Variants in MIOS observed in about 807,000 individuals in gnomAD.
MIOS encodes GATOR2 complex protein MIOS.
MIOS carries 52 observed loss-of-function variants against 96.9 expected under a neutral mutation model. That is an observed-to-expected ratio of 0.54 (90% confidence interval 0.43 to 0.68). The LOEUF (loss-of-function observed/expected upper bound fraction) is 0.68, where lower values mean the gene tolerates loss of function less well. Ranked by LOEUF, MIOS falls within the 30% of genes least tolerant of loss-of-function variation. The pLI is 0.00. For missense variants in MIOS, 1,005 were observed against 1,052.8 expected (o/e 0.95, Z 0.63); for synonymous variants, 397 against 359.5 (o/e 1.10, Z -1.18).
At chr7:7,606,159 A>G (rs1300775809) in intron 12 of MIOS, 88 bp downstream of exon 12, 1 of 1,503,120 alleles carries the variant, frequency 6.7e-7, no homozygotes, top group Non-Finnish European at 9.0e-7. Context: ...ATCTATTAGC[A>G]TTTAGCCAAA....
chr7:7,591,843 T>G (rs1227382914), intron 9 of MIOS, among the ~76,000 whole-genome samples: 1 of 152,152 alleles, frequency 6.6e-6, no homozygotes, highest in African/African-American at 2.4e-5. Flanking sequence ...TAAATATTTT[T>G]TTCTGCCTCA....
In MIOS at chr7:7,588,556, A is replaced by G; in HGVS notation, c.1877A>G (p.Asp626Gly). Residue 626 changes from aspartate to glycine, a missense_variant, in exon 8 of 13, where the codon GAT becomes GGT. Asp to Gly is a moderately conservative substitution (Grantham distance 94). Around this residue, in one of 3 missense-constraint regions of MIOS, gnomAD observed 865 missense variants for 887.9 expected, o/e 0.97. Coordinates refer to ENST00000340080, the MANE Select transcript of MIOS (RefSeq NM_019005.4). ...GCATTTGCTTGTAAATTCCTTAGTG[A>G]TACTCAGGTGAAAACTGATTTAATT... ...RVAFACKFLS[D>G]TQLNRYIEKL... The G allele has an allele frequency of 6.3e-7, 1 of 1,586,268 alleles. No homozygotes were observed.
Position 7,574,149 on chromosome 7 carries a change from G to C in MIOS, c.1346G>C (p.Gly449Ala). Residue 449 changes from glycine (G) to alanine (A), a missense_variant, in exon 5 of 13, where the codon GGA becomes GCA. Physicochemically the swap from Gly to Ala is moderately conservative, Grantham distance 60. Coordinates refer to ENST00000340080, the MANE Select transcript of MIOS (RefSeq NM_019005.4). ...GATCAGAAATCTCCAGGCAACAAAGGATCATTGGTTTATGCAGGAATTAAA... is the reference window on the plus strand; with the variant it reads ...GATCAGAAATCTCCAGGCAACAAAGCATCATTGGTTTATGCAGGAATTAAA... ...DMDQKSPGNK[G>A]SLVYAGIKSI... 6.2e-7 allele frequency: 1 copy of C among 1,610,950 alleles called. No individual in the cohort carries two copies.
At chr7:7,594,239 C>A (rs1218057216) in intron 9 of MIOS, among the ~76,000 whole-genome samples, 1 of 151,660 alleles carries the variant, frequency 6.6e-6, no homozygotes, top group Non-Finnish European at 1.5e-5. Flanking sequence ...GTTCACCGTG[C>A]ATTGCTAGAT....
At chr7:7,582,106 G>A (rs1783750481) in intron 5 of MIOS, among the ~76,000 whole-genome samples, 1 of 152,116 alleles carries the variant, frequency 6.6e-6, no homozygotes, top group African/African-American at 2.4e-5. Flanking sequence ...GAAACTGTCT[G>A]CTGTTGATCT....
chr7:7,605,816 C>G lies in MIOS; in HGVS notation c.2402-126C>G, dbSNP rs888625495. 9.3e-6 allele frequency: 9 copies of G among 963,194 alleles called. No individual in the cohort carries two copies. The Admixed American group carries it at 2.3e-4, about 25-fold the overall frequency. 59.7% of individuals were successfully genotyped at this position (963,194 alleles called of 1,614,324 possible). ...CTTCATCTAAACTAGAACCTACCAT[C>G]AAAATTGCTATTTCAATATGATGTG... is the stretch of plus-strand genomic sequence containing the variant. On this transcript the variant is annotated intron_variant, in intron 11 of 12. Transcript: ENST00000340080.
intron 5 of MIOS, among the ~76,000 whole-genome samples, chr7:7,577,003 A>C (rs993905284): frequency 6.6e-6 from 1 of 152,202 alleles, no homozygotes; most frequent in African/African-American, 2.4e-5. Flanking sequence ...GTTGAAATCA[A>C]GATGCTTAGG....
chr7:7,594,362 A>G (rs905962799), intron 9 of MIOS, among the ~76,000 whole-genome samples: 1 of 151,592 alleles, frequency 6.6e-6, no homozygotes, highest in African/African-American at 2.4e-5. Context: ...ACTACAGTGC[A>G]ACGGCACAAT....
intron 9 of MIOS, among the ~76,000 whole-genome samples, chr7:7,590,309 C>T (rs1206532898): frequency 6.6e-6 from 1 of 152,158 alleles, no homozygotes; most frequent in Non-Finnish European, 1.5e-5. Context: ...AGTAAACTTA[C>T]CTAATGTATC....
chr7:7,606,458 C>G (rs998491603), intron 12 of MIOS, among the ~76,000 whole-genome samples: 1 of 152,094 alleles, frequency 6.6e-6, no homozygotes, highest in Non-Finnish European at 1.5e-5. Flanking sequence ...TCTAAGTAAG[C>G]TTTTTATGTA....
chr7:7,605,821 T>G, intron 11 of MIOS, 121 bp from the exon 12 acceptor site: 1 of 993,444 alleles, frequency 1.0e-6, no homozygotes, highest in East Asian at 2.7e-5. Context: ...ACCATCAAAA[T>G]TGCTATTTCA....
At position 7,569,280 on chromosome 7, in the gene MIOS, G is replaced by A. The variant is rs535456689; in HGVS notation, c.-41+1157G>A. 3.3e-5 allele frequency among the ~76,000 whole-genome samples: 5 copies of A among 152,260 alleles called. No homozygotes were observed. The South Asian group carries it at 1.0e-3, about 32-fold the overall frequency. ...TCTTAAATTTTGAAACTCTTTTTAA[G>A]GTTGGACTTAATTTTATCACTACAG... is the stretch of plus-strand genomic sequence containing the variant. On this transcript the variant is annotated intron_variant, in intron 3 of 12. Coordinates refer to ENST00000340080, the MANE Select transcript of MIOS (RefSeq NM_019005.4).
In MIOS at chr7:7,607,342, A is replaced by C. The variant is rs979854641; in HGVS notation, c.*250A>C. 6.9e-6 allele frequency: 2 copies of C among 290,940 alleles called. No individual in the cohort carries two copies. The highest frequency in any genetic ancestry group is 1.6e-4 in the South Asian group (2 of 12,574). 18.0% of individuals were successfully genotyped at this position (290,940 alleles called of 1,614,324 possible). A position where few individuals can be genotyped will look rare whatever the true frequency, so the allele number is the denominator to read the frequency against. ...GCAGGTTGAAAAGTCTGATTTAGAA[A>C]AACTTTCTAAGTTTTGGTTGAAATT... On this transcript the variant is annotated 3_prime_UTR_variant, in exon 13 of 13. Transcript: ENST00000340080.
chr7:7,571,957 T>C (rs1211194273), intron 3 of MIOS, among the ~76,000 whole-genome samples: 1 of 152,222 alleles, frequency 6.6e-6, no homozygotes, highest in Non-Finnish European at 1.5e-5. Flanking sequence ...GCTCAGTAGC[T>C]ACATGTGGCT....
chr7:7,597,753 C>T (rs1364428571), intron 11 of MIOS, among the ~76,000 whole-genome samples: 1 of 151,596 alleles, frequency 6.6e-6, no homozygotes, highest in Non-Finnish European at 1.5e-5. Flanking sequence ...GGATAGAATG[C>T]AGTGGCATGA....
At chr7:7,577,073 A>T (rs1318691933) in intron 5 of MIOS, among the ~76,000 whole-genome samples, 1 of 152,222 alleles carries the variant, frequency 6.6e-6, no homozygotes, top group South Asian at 2.1e-4. Context: ...AATATAATGT[A>T]TGTCAGAAAT....
chr7:7,605,823 G>C (rs901636776), intron 11 of MIOS, 119 bp from the exon 12 acceptor site: 22 of 993,962 alleles, frequency 2.2e-5, no homozygotes, highest in Non-Finnish European at 3.1e-5. Flanking sequence ...CATCAAAATT[G>C]CTATTTCAAT....
chr7:7,607,068 A>G lies in MIOS; in HGVS notation c.2604A>G (p.Val868=). 3 of 1,612,428 alleles carry G rather than the reference A, an allele frequency of 1.9e-6. No individual in the cohort carries two copies. Among genetic ancestry groups the G allele is most frequent in the Non-Finnish European group, 2.5e-6 (3 of 1,179,132 alleles). ...AGTTGGATACAACAGGGAATCTGGT[A>G]CCTGCAGAGACTGTCCAGCCATAAA... ...CMQLDTTGNL[V]PAETVQP The change falls in exon 13 of 13, where the codon GTA becomes GTG. Residue 868 remains valine (V), a synonymous_variant. Coordinates refer to ENST00000340080, the MANE Select transcript of MIOS (RefSeq NM_019005.4).
At chr7:7,581,794 G>C (rs1244351234) in intron 5 of MIOS, 2 of 152,156 alleles carry the variant, frequency 1.3e-5, no homozygotes, top group African/African-American at 4.8e-5. Flanking sequence ...TCTGTCTCCT[G>C]CTGCTTCTCT....
Sources: allele counts gnomAD v4.1 joint callset (sites outside exome capture counted in the v4.1 genomes callset), GRCh38; gene constraint gnomAD v4.1.1; regional missense constraint gnomAD v4.1.1; transcripts MANE v1.5; gene names NCBI Gene and HGNC (gene_info 2026-07-23, HGNC 2026-07-21).